The following CACNA1I variants were observed in gnomAD, a reference collection of about 807,000 sequenced individuals.
CACNA1I encodes the protein calcium voltage-gated channel subunit alpha1 I.
CACNA1I carries 74 observed loss-of-function variants against 201.6 expected under a neutral mutation model. That is an observed-to-expected ratio of 0.37 (90% CI 0.30 to 0.45). CACNA1I has a LOEUF of 0.45. Among genes scored for constraint, CACNA1I ranks in the 20% least tolerant of loss-of-function variants. The pLI, the probability that CACNA1I is intolerant of heterozygous loss-of-function variation, is 1.00. For synonymous variants in CACNA1I, 1,431 were observed against 1,345.2 expected, an observed-to-expected ratio of 1.06 and a Z score of -1.40; for missense variants, 2,346 against 3,138.1, an observed-to-expected ratio of 0.75 and a Z score of 6.03.
intron 3 of CACNA1I, among the ~76,000 whole-genome samples, chr22:39,617,997 G>C (rs1933596760): frequency 6.6e-6 from 1 of 151,902 alleles, no homozygotes; most frequent in Admixed American, 6.6e-5. Flanking sequence ...CATGTATGAG[G>C]ATGTCCAAGA....
intron 24 of CACNA1I, among the ~76,000 whole-genome samples, chr22:39,669,360 C>T (rs537932361): frequency 1.2e-4 from 18 of 152,344 alleles, no homozygotes; most frequent in African/African-American, 4.1e-4. Flanking sequence ...TCCTCACCCC[C>T]ACCAGTGCAT....
chr22:39,679,089 G>T lies in CACNA1I; in HGVS notation c.5056-18G>T, dbSNP rs528771404. On this transcript the variant is annotated intron_variant, in intron 31 of 36. Transcript: ENST00000402142. ...GGATGTCTCCGTCCTCATCCTCACCGCCCTCCCTGCCACGCAGGACACGCT... is the reference window on the plus strand; with the variant it reads ...GGATGTCTCCGTCCTCATCCTCACCTCCCTCCCTGCCACGCAGGACACGCT... 1 of 1,558,146 alleles carries T rather than the reference G, an allele frequency of 6.4e-7. No homozygotes were observed. The highest frequency in any genetic ancestry group is 1.2e-5 in the South Asian group (1 of 82,580).
intron 1 of CACNA1I, among the ~76,000 whole-genome samples, chr22:39,581,803 A>G (rs745772723): frequency 3.3e-5 from 5 of 152,210 alleles, no homozygotes; most frequent in Non-Finnish European, 5.9e-5. Context: ...GTCTTCTGCT[A>G]ATCTGTCTCC....
intron 1 of CACNA1I, among the ~76,000 whole-genome samples, chr22:39,581,062 G>A (rs1199098021): frequency 1.3e-5 from 2 of 152,246 alleles, no homozygotes; most frequent in Non-Finnish European, 2.9e-5. Flanking sequence ...TCTTGTGAAG[G>A]AAAGTGGAGC....
chr22:39,584,569 G>A (rs1344358568), intron 1 of CACNA1I, among the ~76,000 whole-genome samples: 1 of 152,124 alleles, frequency 6.6e-6, no homozygotes, highest in East Asian at 1.9e-4. Context: ...AGAGGGCTGG[G>A]GGCTGGAGGA....
At chr22:39,615,649 C>T (rs1933509800) in intron 3 of CACNA1I, among the ~76,000 whole-genome samples, 1 of 152,180 alleles carries the variant, frequency 6.6e-6, no homozygotes. Flanking sequence ...TGTCCTGTGT[C>T]CTCCTTTCTA....
intron 10 of CACNA1I, chr22:39,656,363 A>T: frequency 3.9e-6 from 2 of 516,528 alleles, no homozygotes; most frequent in Non-Finnish European, 7.7e-6. Context: ...CCACCTGCAC[A>T]CCCTTCTCTG....
chr22:39,603,266 A>G (rs2146373131), intron 3 of CACNA1I, among the ~76,000 whole-genome samples: 1 of 151,940 alleles, frequency 6.6e-6, no homozygotes, highest in Admixed American at 6.5e-5. Flanking sequence ...CATGTTATAT[A>G]GATGTTTCTG....
At chr22:39,590,469 G>A (rs1367330613) in intron 1 of CACNA1I, among the ~76,000 whole-genome samples, 5 of 152,202 alleles carry the variant, frequency 3.3e-5, no homozygotes, top group African/African-American at 7.2e-5. Context: ...ACGGGCTGCC[G>A]GCTGGGCTCA....
In CACNA1I at chr22:39,665,073, G is replaced by A. The variant is rs77807851; in HGVS notation, c.3851+150G>A. 1 of 746,430 alleles carries A rather than the reference G, an allele frequency of 1.3e-6. No homozygotes were observed. The highest frequency in any genetic ancestry group is 2.2e-6 in the Non-Finnish European group (1 of 460,954). 46.2% of individuals were successfully genotyped at this position (746,430 alleles called of 1,614,324 possible). On this transcript the variant is annotated intron_variant, in intron 21 of 36. Transcript: ENST00000402142. The surrounding 1 kb of genome is among the most constrained non-coding windows in gnomAD (Gnocchi z 5.5). ...AACACCCTGAGCTGTTCCCGGGGGA[G>A]GGGTCTGCAGACCCTGGGGGTGGGG... is the stretch of plus-strand genomic sequence containing the variant.
chr22:39,647,843 G>C lies in CACNA1I; in HGVS notation c.1484G>C (p.Gly495Ala). Reference protein sequence around the residue: ...RHYHGKTKGQGDEGRHLGSRH... With the variant: ...RHYHGKTKGQADEGRHLGSRH... Reference sequence around the variant, plus strand: ...TCAGATGGGAAGACTAAGGGTCAGGGAGATGAAGGGAGACATCTCGGAAGC... The same window carrying C: ...TCAGATGGGAAGACTAAGGGTCAGGCAGATGAAGGGAGACATCTCGGAAGC... Residue 495 changes from glycine (G) to alanine (A), a missense_variant, in exon 9 of 37, where the codon GGA (glycine) becomes GCA (alanine). Coordinates refer to ENST00000402142, the MANE Select transcript of CACNA1I (RefSeq NM_021096.4). 1 of 1,610,474 alleles carries C rather than the reference G, an allele frequency of 6.2e-7. No individual in the cohort carries two copies. Among genetic ancestry groups the C allele is most frequent in the Non-Finnish European group, 8.5e-7 (1 of 1,176,846 alleles).
At chr22:39,644,857 T>A (rs1934441465) in intron 7 of CACNA1I, among the ~76,000 whole-genome samples, 1 of 151,574 alleles carries the variant, frequency 6.6e-6, no homozygotes, top group South Asian at 2.1e-4. Flanking sequence ...CTGGCTAATG[T>A]TTAAATTTTT....
intron 1 of CACNA1I, among the ~76,000 whole-genome samples, chr22:39,577,657 G>A (rs1932403046): frequency 6.6e-6 from 1 of 152,272 alleles, no homozygotes; most frequent in Non-Finnish European, 1.5e-5. Flanking sequence ...CTCTGGCTGT[G>A]CAGCCAGGAG....
intron 1 of CACNA1I, among the ~76,000 whole-genome samples, chr22:39,581,576 C>T (rs1266269546): frequency 6.6e-6 from 1 of 152,118 alleles, no homozygotes; most frequent in Non-Finnish European, 1.5e-5. Flanking sequence ...TGGGAAGTCT[C>T]ATAATTGAAG....
At chr22:39,600,275 A>G (rs1307359105) in intron 2 of CACNA1I, among the ~76,000 whole-genome samples, 1 of 152,136 alleles carries the variant, frequency 6.6e-6, no homozygotes, top group Non-Finnish European at 1.5e-5. Flanking sequence ...TAGGGAACAG[A>G]TAGAACGGGC....
At chr22:39,596,151 AGCAGGGTGGAGAGAGATGGGGGG>A (rs1932882930) in intron 1 of CACNA1I, among the ~76,000 whole-genome samples, 2 of 39,604 alleles carry the variant, frequency 5.0e-5, no homozygotes, top group African/African-American at 1.1e-4. Flanking sequence ...GAGATGGGGG[AGCAGGGTGGAGAGAGATGGGGGG>A]GCAGGGCGGA....
chr22:39,595,094 C>CT (rs1405395543), intron 1 of CACNA1I, among the ~76,000 whole-genome samples: 4 of 150,114 alleles, frequency 2.7e-5, no homozygotes, highest in Non-Finnish European at 5.9e-5. Context: ...TCGAGACCAT[C>CT]TTGGCCAACA....
At chr22:39,604,970 G>A (rs576484438) in intron 3 of CACNA1I, among the ~76,000 whole-genome samples, 4 of 152,070 alleles carry the variant, frequency 2.6e-5, no homozygotes, top group South Asian at 4.2e-4. Context: ...GCTCAAGGTC[G>A]TTCCCATCCT....
intron 1 of CACNA1I, among the ~76,000 whole-genome samples, chr22:39,576,530 C>CA (rs1932360571): frequency 6.6e-6 from 1 of 152,226 alleles, no homozygotes; most frequent in South Asian, 2.1e-4. Flanking sequence ...CACACTCCAC[C>CA]AGGGCAGAGA....
Sources: gnomAD v4.1 joint callset for allele counts (sites outside exome capture counted in the v4.1 genomes callset) on GRCh38, gnomAD v4.1.1 for gene constraint, Gnocchi (gnomAD v3.1) non-coding constraint, MANE v1.5 for transcripts, NCBI Gene and HGNC (gene_info 2026-07-23, HGNC 2026-07-21) for gene names.